STK39: variants seen among roughly 807,000 people sequenced by gnomAD.
The protein encoded by STK39 is STE20/SPS1-related proline-alanine-rich protein kinase.
Under a neutral mutation model 77.8 loss-of-function variants are expected in STK39, and 20 were observed. That is an observed-to-expected ratio of 0.26 (90% CI 0.18 to 0.37). The LOEUF is 0.37. Among genes scored for constraint, STK39 ranks in the 10% least tolerant of loss-of-function variants. The probability of loss-of-function intolerance (pLI) is 1.00; values close to 1 mark genes in which losing one functional copy is unlikely to be tolerated. For missense variants in STK39, 479 were observed against 656.5 expected, an observed-to-expected ratio of 0.73 and a Z score of 2.95; for synonymous variants, 246 against 234.1, an observed-to-expected ratio of 1.05 and a Z score of -0.47.
chr2:168,181,601 T>C lies in STK39; in HGVS notation c.321+377A>G, dbSNP rs73031008. 2.5e-3 allele frequency among the ~76,000 whole-genome samples: 379 copies of C among 152,260 alleles called. 2 individuals are homozygous for C. The highest frequency in any genetic ancestry group is 8.7e-3 in the African/African-American group (362 of 41,548). On this transcript the variant is annotated intron_variant, in intron 2 of 17. Coordinates refer to ENST00000355999, the MANE Select transcript of STK39 (RefSeq NM_013233.3). The stretch of plus-strand genomic sequence containing the variant: ...CAAATAGTTTGGGGGACAACTTCCA[T>C]TTGTGTCACACATTCTAGATGGAGG...
chr2:168,018,101 G>A (rs927084651), intron 14 of STK39, among the ~76,000 whole-genome samples: 1 of 152,014 alleles, frequency 6.6e-6, no homozygotes, highest in Non-Finnish European at 1.5e-5. Flanking sequence ...TGATAATAAG[G>A]GGCAGTGAGC....
At chr2:167,970,425 C>T (rs1315798978) in intron 16 of STK39, among the ~76,000 whole-genome samples, 1 of 152,128 alleles carries the variant, frequency 6.6e-6, no homozygotes, top group Non-Finnish European at 1.5e-5. Context: ...ATGTCTAGTA[C>T]ACCGTATTTG....
intron 1 of STK39, among the ~76,000 whole-genome samples, chr2:168,222,320 T>C (rs1453600307): frequency 6.6e-6 from 1 of 152,196 alleles, no homozygotes; most frequent in Non-Finnish European, 1.5e-5. Flanking sequence ...ATCATTGCTC[T>C]GGAGAGATGA....
intron 16 of STK39, among the ~76,000 whole-genome samples, chr2:168,009,210 A>G (rs544476934): frequency 2.0e-5 from 3 of 152,284 alleles, no homozygotes; most frequent in Non-Finnish European, 2.9e-5. Flanking sequence ...CTTTCTGAAG[A>G]TAAGAGAAAT....
At chr2:168,109,811 T>C (rs1390579095) in intron 10 of STK39, among the ~76,000 whole-genome samples, 1 of 152,250 alleles carries the variant, frequency 6.6e-6, no homozygotes, top group African/African-American at 2.4e-5. Flanking sequence ...TAAATACTAA[T>C]GATGCTGCAC....
At chr2:168,215,905 G>A (rs759510543) in intron 1 of STK39, among the ~76,000 whole-genome samples, 2 of 152,166 alleles carry the variant, frequency 1.3e-5, no homozygotes, top group Non-Finnish European at 2.9e-5. Flanking sequence ...ACCTCACCCT[G>A]CTCTCTAGGG....
intron 13 of STK39, among the ~76,000 whole-genome samples, chr2:168,064,841 C>T (rs913530549): frequency 6.6e-6 from 1 of 152,194 alleles, no homozygotes; most frequent in Non-Finnish European, 1.5e-5. Context: ...CTCACAGCCA[C>T]GTCTTCTGTC....
At chr2:168,244,920 G>C (rs926190140) in intron 1 of STK39, among the ~76,000 whole-genome samples, 1 of 152,114 alleles carries the variant, frequency 6.6e-6, no homozygotes, top group Non-Finnish European at 1.5e-5. Context: ...ACACTGCTGG[G>C]ACTGCAAACA....
intron 12 of STK39, among the ~76,000 whole-genome samples, chr2:168,070,183 G>T (rs1273377164): frequency 6.6e-6 from 1 of 151,880 alleles, no homozygotes; most frequent in Non-Finnish European, 1.5e-5. Flanking sequence ...CCCCTTCCCC[G>T]ACCCCCAAAG....
chr2:168,050,865 A>T (rs989034956), intron 14 of STK39, among the ~76,000 whole-genome samples: 1 of 152,238 alleles, frequency 6.6e-6, no homozygotes, highest in East Asian at 1.9e-4. Flanking sequence ...GACAGCAGAG[A>T]TTTCCCACAA....
In STK39 at chr2:168,198,038, CA is replaced by C. The variant is rs11448638; in HGVS notation, c.209-15949del. ...GGGCAAAAAGAACGAAACTCGGTCTCAAAAAAAAAAAAAAAGTAAAAATAAA... is the reference window on the plus strand; with the variant it reads ...GGGCAAAAAGAACGAAACTCGGTCTCAAAAAAAAAAAAAAGTAAAAATAAA... On this transcript the variant is annotated intron_variant, in intron 1 of 17. Transcript: ENST00000355999. Among the ~76,000 whole-genome samples, 249 of 124,388 alleles carry C rather than the reference CA, an allele frequency of 2.0e-3. 3 individuals are homozygous for C. Among genetic ancestry groups the C allele is most frequent in the East Asian group, 9.5e-3 (45 of 4,742 alleles). 81.6% of individuals were successfully genotyped at this position (124,388 alleles called of 152,430 possible). A position where few individuals can be genotyped will look rare whatever the true frequency, so the allele number is the denominator to read the frequency against.
intron 10 of STK39, among the ~76,000 whole-genome samples, chr2:168,116,960 G>A (rs1044762627): frequency 6.6e-6 from 1 of 152,168 alleles, no homozygotes; most frequent in African/African-American, 2.4e-5. Context: ...ATTAAATGCA[G>A]CTTCAGGTAA....
intron 14 of STK39, among the ~76,000 whole-genome samples, chr2:168,043,309 C>CAA (rs36113575): frequency 4.2e-4 from 64 of 151,096 alleles, no homozygotes; most frequent in Non-Finnish European, 5.9e-4. Flanking sequence ...TCATTGATGG[C>CAA]AAAAAAAAAT....
intron 14 of STK39, among the ~76,000 whole-genome samples, chr2:168,036,400 GCCACATTA>G (rs113187654): frequency 7.4e-6 from 1 of 134,626 alleles, no homozygotes; most frequent in African/African-American, 3.2e-5. Flanking sequence ...GAAAACAGGT[GCCACATTA>G]CTGACTGCTG....
chr2:167,985,128 T>A (rs1256334398), intron 16 of STK39, among the ~76,000 whole-genome samples: 2 of 152,212 alleles, frequency 1.3e-5, no homozygotes, highest in Non-Finnish European at 2.9e-5. Context: ...TCTAGATGAT[T>A]CATTAATTGA....
At chr2:168,225,853 T>C (rs1025640000) in intron 1 of STK39, among the ~76,000 whole-genome samples, 3 of 152,140 alleles carry the variant, frequency 2.0e-5, no homozygotes, top group Admixed American at 6.5e-5. Context: ...CTTCCGATGC[T>C]ACACCCTTCT....
intron 16 of STK39, among the ~76,000 whole-genome samples, chr2:167,980,053 A>T (rs181867777): frequency 4.6e-5 from 7 of 152,382 alleles, no homozygotes; most frequent in Admixed American, 2.6e-4. Context: ...TAGGACTCTA[A>T]TGACAATCTC....
chr2:168,063,380 G>A (rs943919691), intron 14 of STK39, 120 bp downstream of exon 14: 11 of 863,114 alleles, frequency 1.3e-5, no homozygotes, highest in African/African-American at 1.2e-4. Context: ...CTCATGGTTC[G>A]GGGAAATCAA....
chr2:168,037,229 CA>C (rs1684979935), intron 14 of STK39, among the ~76,000 whole-genome samples: 1 of 152,232 alleles, frequency 6.6e-6, no homozygotes, highest in Non-Finnish European at 1.5e-5. Context: ...ATGCAAAATA[CA>C]AAATTCAATC....
Sources: allele counts gnomAD v4.1 joint callset (sites outside exome capture counted in the v4.1 genomes callset), GRCh38; gene constraint gnomAD v4.1.1; transcripts MANE v1.5; gene names NCBI Gene and HGNC (gene_info 2026-07-23, HGNC 2026-07-21).